The following RFX7 variants were observed in gnomAD, a reference collection of about 807,000 sequenced individuals.
RFX7 encodes the protein DNA-binding protein RFX7.
In RFX7, 26 loss-of-function variants were observed where a neutral mutation model predicts 111.8. The ratio of observed to expected loss-of-function variants is 0.23; its 90% CI spans 0.17 to 0.32. The LOEUF is 0.32. RFX7 is among the 10% of genes least tolerant of loss of function. The probability of loss-of-function intolerance (pLI) is 1.00; values close to 1 mark genes in which losing one functional copy is unlikely to be tolerated. For synonymous variants in RFX7, 624 were observed against 624.4 expected (o/e 1.00, Z 0.01); for missense variants, 1,573 against 1,772.9 (o/e 0.89, Z 2.02).
intron 8 of RFX7, among the ~76,000 whole-genome samples, chr15:56,098,809 G>T (rs1371171273): frequency 6.6e-6 from 1 of 152,144 alleles, no homozygotes; most frequent in East Asian, 1.9e-4. Flanking sequence ...CCCATGAGGG[G>T]CATTCAATAA....
In RFX7 at chr15:56,090,629, A is replaced by G. The variant is rs559014358; in HGVS notation, c.*2716T>C. 5.7e-4 allele frequency: 87 copies of G among 152,768 alleles called. No individual in the cohort carries two copies. Among genetic ancestry groups the G allele is most frequent in the African/African-American group, 2.0e-3 (85 of 41,578 alleles). 9.5% of individuals were successfully genotyped at this position (152,768 alleles called of 1,614,324 possible). A position where few individuals can be genotyped will look rare whatever the true frequency, so the allele number is the denominator to read the frequency against. ...AAAAAGAGAACTGAAATGCTACCGC[A>G]ATATTCAACTACTGTAGTTTCAGCA... On this transcript the variant is annotated 3_prime_UTR_variant, in exon 10 of 10. Coordinates refer to ENST00000559447, the MANE Select transcript of RFX7 (RefSeq NM_022841.7).
At chr15:56,231,694 A>G (rs1433437152) in intron 2 of RFX7, among the ~76,000 whole-genome samples, 1 of 152,176 alleles carries the variant, frequency 6.6e-6, no homozygotes, top group Non-Finnish European at 1.5e-5. Context: ...ACAGTCCCTC[A>G]AAGTCTTAAC....
chr15:56,213,687 G>C (rs1264034793), intron 2 of RFX7, among the ~76,000 whole-genome samples: 2 of 152,124 alleles, frequency 1.3e-5, no homozygotes, highest in Non-Finnish European at 2.9e-5. Context: ...GGGTAATAAA[G>C]GGTACACATG....
intron 2 of RFX7, among the ~76,000 whole-genome samples, chr15:56,236,064 G>A (rs1463375879): frequency 1.3e-5 from 2 of 151,980 alleles, no homozygotes; most frequent in African/African-American, 2.4e-5. Flanking sequence ...GCTCAGTTAC[G>A]AGGAAATAGA....
chr15:56,087,681 A>T lies in RFX7; in HGVS notation c.*5664T>A. The T allele has an allele frequency of 2.5e-6, 1 of 403,094 alleles. No individual in the cohort carries two copies. The highest frequency in any genetic ancestry group is 1.8e-5 in the South Asian group (1 of 54,474). The allele number at this position is 403,094 out of a possible 1,614,324, so 25.0% of individuals were successfully genotyped here. A position where few individuals can be genotyped will look rare whatever the true frequency, so the allele number is the denominator to read the frequency against. The stretch of plus-strand genomic sequence containing the variant: ...AAAGAAGAAGGGGAGAATGCATACT[A>T]CTGGTAAGTATCCGCCTCTGCTATA... On this transcript the variant is annotated 3_prime_UTR_variant, in exon 10 of 10. Coordinates refer to ENST00000559447, the MANE Select transcript of RFX7 (RefSeq NM_022841.7).
chr15:56,238,083 CAT>C (rs1314742641), intron 2 of RFX7, among the ~76,000 whole-genome samples: 1 of 152,156 alleles, frequency 6.6e-6, no homozygotes, highest in East Asian at 1.9e-4. Context: ...ATTTATAGTA[CAT>C]GTTTTCCACT....
In RFX7 at chr15:56,089,454, AAAGT is replaced by A. The variant is rs1215231525; in HGVS notation, c.*3887_*3890del. 6.6e-6 allele frequency: 1 copy of A among 152,462 alleles called. No individual in the cohort carries two copies. Among genetic ancestry groups the A allele is most frequent in the African/African-American group, 2.4e-5 (1 of 41,546 alleles). 9.4% of individuals were successfully genotyped at this position (152,462 alleles called of 1,614,324 possible). On this transcript the variant is annotated 3_prime_UTR_variant, in exon 10 of 10. Coordinates refer to ENST00000559447, the MANE Select transcript of RFX7 (RefSeq NM_022841.7). ...TCCTATCTCCACTATTATTAAGCTA[AAAGT>A]AAGTGTCCTTATGGTTTAAGCCAGT...
At chr15:56,224,681 C>A (rs1485866902) in intron 2 of RFX7, among the ~76,000 whole-genome samples, 1 of 151,664 alleles carries the variant, frequency 6.6e-6, no homozygotes, top group East Asian at 1.9e-4. Context: ...GTGAAAAAAA[C>A]ACCTAAGTTT....
chr15:56,232,055 G>A (rs932928571), intron 2 of RFX7, among the ~76,000 whole-genome samples: 4 of 152,172 alleles, frequency 2.6e-5, no homozygotes, highest in East Asian at 1.9e-4. Context: ...CTCTCTTGGC[G>A]GCTTTTATGG....
In RFX7 at chr15:56,095,565, A is replaced by G. The variant is rs747733075; in HGVS notation, c.2163T>C (p.Asn721=). The G allele has an allele frequency of 2.5e-6, 4 of 1,613,860 alleles. No individual in the cohort carries two copies. The highest frequency in any genetic ancestry group is 2.7e-5 in the African/African-American group (2 of 74,932). ...GAQIPSKVSV[N]VSSHIGANQP... ...GATTTGCTCCTATGTGTGAACTGACATTTACTGATACCTTGCTAGGAATCT... is the reference window on the plus strand; with the variant it reads ...GATTTGCTCCTATGTGTGAACTGACGTTTACTGATACCTTGCTAGGAATCT... Residue 721 remains asparagine, a synonymous_variant, in exon 10 of 10, where the codon AAT becomes AAC. Transcript: ENST00000559447.
chr15:56,216,287 T>C lies in RFX7; in HGVS notation c.161+26838A>G, dbSNP rs1334785408. 4.6e-5 allele frequency among the ~76,000 whole-genome samples: 7 copies of C among 152,224 alleles called. 1 individual carries two copies. The highest frequency in any genetic ancestry group is 3.9e-4 in the Admixed American group (6 of 15,286). On this transcript the variant is annotated intron_variant, in intron 2 of 9. Transcript: ENST00000559447. ...CTATGGTGATTTGGTATTTTCTTTG[T>C]GGGCAATTTTTAAAGAACTAACTCC...
intron 5 of RFX7, among the ~76,000 whole-genome samples, chr15:56,108,300 A>G (rs1263523214): frequency 1.3e-5 from 2 of 152,228 alleles, no homozygotes; most frequent in Non-Finnish European, 2.9e-5. Flanking sequence ...AAAAATCCTC[A>G]ATAAAATACT....
chr15:56,230,775 G>A (rs1223875002), intron 2 of RFX7, among the ~76,000 whole-genome samples: 5 of 152,188 alleles, frequency 3.3e-5, no homozygotes, highest in Non-Finnish European at 7.3e-5. Context: ...CAGAGTACTT[G>A]AGCTATGGCT....
chr15:56,118,722 TG>T (rs1187238908), intron 5 of RFX7, among the ~76,000 whole-genome samples: 1 of 152,240 alleles, frequency 6.6e-6, no homozygotes, highest in Non-Finnish European at 1.5e-5. Flanking sequence ...GCAGTGGTAT[TG>T]CTAGATCATA....
chr15:56,197,095 ATTTTG>A (rs2043152542), intron 2 of RFX7, among the ~76,000 whole-genome samples: 1 of 152,102 alleles, frequency 6.6e-6, no homozygotes, highest in Non-Finnish European at 1.5e-5. Flanking sequence ...GGTATGAAAT[ATTTTG>A]TTTTAAAATG....
chr15:56,176,437 T>C (rs1232981354), intron 3 of RFX7, among the ~76,000 whole-genome samples: 7 of 152,056 alleles, frequency 4.6e-5, no homozygotes, highest in Non-Finnish European at 8.8e-5. Context: ...TAAATCTTAA[T>C]ACCAACAAAA....
intron 3 of RFX7, among the ~76,000 whole-genome samples, chr15:56,161,718 G>A (rs1315048169): frequency 1.3e-5 from 2 of 151,998 alleles, no homozygotes; most frequent in African/African-American, 2.4e-5. Flanking sequence ...AGAAAGTACC[G>A]TAGTATCATA....
At chr15:56,223,177 G>T (rs2043444448) in intron 2 of RFX7, among the ~76,000 whole-genome samples, 1 of 152,130 alleles carries the variant, frequency 6.6e-6, no homozygotes, top group Non-Finnish European at 1.5e-5. Flanking sequence ...GGCCCCAACA[G>T]TTGTTCTTAG....
At chr15:56,108,460 TCTC>T (rs2041861027) in intron 5 of RFX7, among the ~76,000 whole-genome samples, 1 of 151,874 alleles carries the variant, frequency 6.6e-6, no homozygotes, top group African/African-American at 2.4e-5. Flanking sequence ...CACATGATTC[TCTC>T]AATAAATGCA....
Sources: allele counts gnomAD v4.1 joint callset (sites outside exome capture counted in the v4.1 genomes callset), GRCh38; gene constraint gnomAD v4.1.1; transcripts MANE v1.5; gene names NCBI Gene and HGNC (gene_info 2026-07-23, HGNC 2026-07-21).